XKR4: variants seen among roughly 807,000 people sequenced by gnomAD.
The protein encoded by XKR4 is XK related 4, also known as XK-related protein 4.
XKR4 carries 12 observed loss-of-function variants against 53.9 expected under a neutral mutation model. The observed-to-expected ratio is 0.22, with a 90% CI of 0.14 to 0.36. The LOEUF is 0.36. Among genes scored for constraint, XKR4 ranks in the 10% least tolerant of loss-of-function variants. The pLI is 1.00. For missense variants in XKR4, 799 were observed against 859.5 expected (o/e 0.93, Z 0.88); for synonymous variants, 354 against 362.4 (o/e 0.98, Z 0.26).
At chr8:55,189,275 T>C (rs1216569400) in intron 1 of XKR4, among the ~76,000 whole-genome samples, 1 of 152,174 alleles carries the variant, frequency 6.6e-6, no homozygotes, top group African/African-American at 2.4e-5. Context: ...CAGCTGACAA[T>C]CTTTTTAAAA....
chr8:55,198,758 G>C (rs1386117187), intron 1 of XKR4, among the ~76,000 whole-genome samples: 3 of 152,104 alleles, frequency 2.0e-5, no homozygotes, highest in Non-Finnish European at 4.4e-5. Context: ...TCTTATAGCT[G>C]TATAATATAC....
rs1054869506 is a variant in XKR4, at chr8:55,340,033, C to T, written c.807-17645C>T. 7.9e-5 allele frequency among the ~76,000 whole-genome samples: 12 copies of T among 152,250 alleles called. 1 individual carries two copies. Among genetic ancestry groups the T allele is most frequent in the Admixed American group, 7.2e-4 (11 of 15,298 alleles). ...CAGTTCATAAATGAACAGAATGGTT[C>T]AAATTATATCCTAAAAGAATACGTG... On this transcript the variant is annotated intron_variant, in intron 1 of 2. Transcript: ENST00000327381.
chr8:55,106,320 G>A (rs1816146221), intron 1 of XKR4, among the ~76,000 whole-genome samples: 1 of 152,144 alleles, frequency 6.6e-6, no homozygotes, highest in Non-Finnish European at 1.5e-5. Context: ...CAATGCAACT[G>A]CTAAAAGCAA....
At chr8:55,467,940 G>A (rs1350959065) in intron 2 of XKR4, among the ~76,000 whole-genome samples, 1 of 151,996 alleles carries the variant, frequency 6.6e-6, no homozygotes, top group Non-Finnish European at 1.5e-5. Flanking sequence ...TAAAAATTGG[G>A]TTACAGAGAC....
chr8:55,187,336 A>G lies in XKR4; in HGVS notation c.806+84042A>G, dbSNP rs2129360582. Reference sequence around the variant, plus strand: ...AAAAAAAAAAAAAAAGAAGAAGAATACCTGCTATTGATAGTGACACAATTA... The same window carrying G: ...AAAAAAAAAAAAAAAGAAGAAGAATGCCTGCTATTGATAGTGACACAATTA... On this transcript the variant is annotated intron_variant, in intron 1 of 2. Coordinates refer to ENST00000327381, the MANE Select transcript of XKR4 (RefSeq NM_052898.2). 1.3e-5 allele frequency among the ~76,000 whole-genome samples: 2 copies of G among 151,280 alleles called. 1 individual carries two copies. The highest frequency in any genetic ancestry group is 4.2e-4 in the South Asian group (2 of 4,780).
At position 55,248,345 on chromosome 8, in the gene XKR4, G is replaced by A. The variant is rs1392140916; in HGVS notation, c.807-109333G>A. 2.0e-5 allele frequency among the ~76,000 whole-genome samples: 3 copies of A among 152,172 alleles called. No homozygotes were observed. In the East Asian group the frequency reaches 5.8e-4, roughly 29 times the overall value. ...CCCCACCAAAGTGCATTCATCCTCT[G>A]TTCTGTAATTTAGTTTCTGCCATTT... On this transcript the variant is annotated intron_variant, in intron 1 of 2. Transcript: ENST00000327381.
chr8:55,445,782 A>G (rs1445523200), intron 2 of XKR4, among the ~76,000 whole-genome samples: 1 of 152,192 alleles, frequency 6.6e-6, no homozygotes, highest in Non-Finnish European at 1.5e-5. Flanking sequence ...AATGAGAAAA[A>G]CAATTGTAAG....
At chr8:55,145,235 C>T (rs1816756858) in intron 1 of XKR4, among the ~76,000 whole-genome samples, 1 of 152,128 alleles carries the variant, frequency 6.6e-6, no homozygotes, top group African/African-American at 2.4e-5. Flanking sequence ...TCACGTTGGT[C>T]ATTTAAACAT....
intron 2 of XKR4, among the ~76,000 whole-genome samples, chr8:55,466,459 T>G (rs2975968): frequency 0.42 from 64,157 of 151,342 alleles, 14,057 homozygotes; most frequent in East Asian, 0.53. Flanking sequence ...CACAGGAAGG[T>G]GAACATCTCA....
chr8:55,470,408 G>A (rs1805861418), intron 2 of XKR4, among the ~76,000 whole-genome samples: 1 of 152,110 alleles, frequency 6.6e-6, no homozygotes, highest in Admixed American at 6.5e-5. Context: ...TAGTGAATAA[G>A]TCTCACAAGA....
intron 1 of XKR4, among the ~76,000 whole-genome samples, chr8:55,119,887 A>G (rs901782175): frequency 6.6e-6 from 1 of 152,220 alleles, no homozygotes; most frequent in Non-Finnish European, 1.5e-5. Flanking sequence ...GAATTATTGG[A>G]AAAGGCATAA....
At position 55,260,513 on chromosome 8, in the gene XKR4, A is replaced by G. The variant is rs140004965; in HGVS notation, c.807-97165A>G. 5.5e-4 allele frequency among the ~76,000 whole-genome samples: 84 copies of G among 152,340 alleles called. No homozygotes were observed. The East Asian group carries it at 0.013, about 24-fold the overall frequency. On this transcript the variant is annotated intron_variant, in intron 1 of 2. Coordinates refer to ENST00000327381, the MANE Select transcript of XKR4 (RefSeq NM_052898.2). ...CCAAGGAAATCAAGGACATGGACAC[A>G]CATGGAGTGAGGTTTAGAGTGCAGG...
At chr8:55,265,484 C>A (rs1457919266) in intron 1 of XKR4, among the ~76,000 whole-genome samples, 1 of 152,090 alleles carries the variant, frequency 6.6e-6, no homozygotes, top group Non-Finnish European at 1.5e-5. Flanking sequence ...CTGGGTTTGG[C>A]AGATGGGGTG....
Position 55,538,215 on chromosome 8 carries a change from G to T in XKR4, c.*13988G>T, listed in dbSNP as rs1807057564. 6.6e-6 allele frequency: 1 copy of T among 152,138 alleles called. No individual in the cohort carries two copies. Among genetic ancestry groups the T allele is most frequent in the African/African-American group, 2.4e-5 (1 of 41,382 alleles). The allele number at this position is 152,138 out of a possible 1,614,324, so 9.4% of individuals were successfully genotyped here. A position where few individuals can be genotyped will look rare whatever the true frequency, so the allele number is the denominator to read the frequency against. On this transcript the variant is annotated 3_prime_UTR_variant, in exon 3 of 3. Transcript: ENST00000327381. ...TCTGCACAACTGAGCCCTAATCCCT[G>T]GTCCATCTCTCCAGCCTCAGAAACT...
At chr8:55,333,516 C>T (rs994794012) in intron 1 of XKR4, among the ~76,000 whole-genome samples, 4 of 152,106 alleles carry the variant, frequency 2.6e-5, no homozygotes, top group Non-Finnish European at 4.4e-5. Context: ...CTTAATTTCC[C>T]TAGGAGTTTC....
At chr8:55,379,421 T>C (rs76907018) in intron 2 of XKR4, among the ~76,000 whole-genome samples, 1,775 of 152,332 alleles carry the variant, frequency 0.012, 15 homozygotes, top group Non-Finnish European at 0.018. Flanking sequence ...AAAGAAATGC[T>C]CTTTTTAGTT....
intron 2 of XKR4, among the ~76,000 whole-genome samples, chr8:55,495,529 C>G (rs57302523): frequency 6.6e-6 from 1 of 152,156 alleles, no homozygotes; most frequent in Non-Finnish European, 1.5e-5. Flanking sequence ...CACATTGGCA[C>G]GCAGCTCAGC....
At position 55,498,485 on chromosome 8, in the gene XKR4, C is replaced by T. The variant is rs143029664; in HGVS notation, c.1007-24796C>T. 4.1e-3 allele frequency among the ~76,000 whole-genome samples: 630 copies of T among 152,204 alleles called. 12 individuals are homozygous for T. Among genetic ancestry groups the T allele is most frequent in the East Asian group, 0.016 (81 of 5,166 alleles). On this transcript the variant is annotated intron_variant, in intron 2 of 2. Coordinates refer to ENST00000327381, the MANE Select transcript of XKR4 (RefSeq NM_052898.2). ...CAGGGGTCACCTGGCTGCTGTGAAA[C>T]GGGGTGATGCAGGGCCGGGCACAGT...
intron 1 of XKR4, among the ~76,000 whole-genome samples, chr8:55,213,843 T>C (rs1817761998): frequency 7.1e-6 from 1 of 140,136 alleles, no homozygotes; most frequent in Non-Finnish European, 1.6e-5. Flanking sequence ...AATACTTCTT[T>C]TTTTCTTTCT....
Sources: gnomAD v4.1 joint callset for allele counts (sites outside exome capture counted in the v4.1 genomes callset) on GRCh38, gnomAD v4.1.1 for gene constraint, MANE v1.5 for transcripts, NCBI Gene and HGNC (gene_info 2026-07-23, HGNC 2026-07-21) for gene names.